TRIM37: variants seen among roughly 807,000 people sequenced by gnomAD.
TRIM37 encodes the protein E3 ubiquitin-protein ligase TRIM37.
TRIM37 carries 80 observed loss-of-function variants against 129.8 expected under a neutral mutation model. That is an observed-to-expected ratio of 0.62 (90% CI 0.51 to 0.74). The LOEUF (loss-of-function observed/expected upper bound fraction) is 0.74, where lower values mean the gene tolerates loss of function less well. TRIM37 is among the 30% of genes least tolerant of loss of function. The pLI is 0.00. For synonymous variants in TRIM37, 389 were observed against 387.1 expected, an observed-to-expected ratio of 1.00 and a Z score of -0.06; for missense variants, 1,054 against 1,176.5, an observed-to-expected ratio of 0.90 and a Z score of 1.52.
chr17:59,085,240 C>T (rs889425577), intron 4 of TRIM37, among the ~76,000 whole-genome samples: 3 of 152,044 alleles, frequency 2.0e-5, no homozygotes, highest in East Asian at 1.9e-4. Context: ...GCATGAGAAT[C>T]GCTTGAACCC....
downstream of TRIM37, among the ~76,000 whole-genome samples, chr17:58,994,354 T>TA (rs1020329177): frequency 1.1e-4 from 17 of 151,900 alleles, no homozygotes; most frequent in African/African-American, 2.9e-4. Context: ...TAAAAAATAA[T>TA]AAAAAAAATA....
intron 2 of TRIM37, 81 bp from the exon 3 acceptor site, chr17:59,091,421 A>G: frequency 3.3e-6 from 1 of 302,200 alleles, no homozygotes; most frequent in South Asian, 6.9e-5. Context: ...ATATTTATAT[A>G]TAATATATAT....
intron 22 of TRIM37, among the ~76,000 whole-genome samples, chr17:59,010,694 T>C (rs1259351104): frequency 6.6e-6 from 1 of 152,102 alleles, no homozygotes; most frequent in Non-Finnish European, 1.5e-5. Context: ...GGTGTCACTA[T>C]GTTTGCCAGG....
At position 59,056,914 on chromosome 17, in the gene TRIM37, T is replaced by C; in HGVS notation, c.1160A>G (p.Glu387Gly). 2 of 1,613,830 alleles carry C rather than the reference T, an allele frequency of 1.2e-6. No individual in the cohort carries two copies. The highest frequency in any genetic ancestry group is 1.7e-6 in the Non-Finnish European group (2 of 1,179,912). ...ATCATTTTGTGGATTCAAGTATCCT[T>C]CATTTGCGAGTAAGTCCAAACGGAA... ...RFFRLDLLAN[E>G]GYLNPQNDTV... Residue 387 changes from glutamate to glycine, a missense_variant, in exon 13 of 24, where the codon GAA becomes GGA. Physicochemically the swap from Glu to Gly is moderately conservative, Grantham distance 98 (BLOSUM62 -2). Around this residue, in one of 3 missense-constraint regions of TRIM37, gnomAD observed 752 missense variants for 870.8 expected, o/e 0.86. Transcript: ENST00000262294.
intron 19 of TRIM37, among the ~76,000 whole-genome samples, chr17:59,021,278 G>A (rs767689444): frequency 3.9e-5 from 6 of 152,150 alleles, no homozygotes; most frequent in East Asian, 1.9e-4. Context: ...GCCTGTAGTC[G>A]CAGCTAGCTG....
At chr17:59,055,421 C>T (rs567150411) in intron 13 of TRIM37, among the ~76,000 whole-genome samples, 17 of 150,754 alleles carry the variant, frequency 1.1e-4, no homozygotes, top group African/African-American at 3.7e-4. Flanking sequence ...ATGGGCCGGG[C>T]GCAGTGGCTC....
chr17:59,001,674 A>C lies in TRIM37; in HGVS notation c.2736T>G (p.Asn912Lys). The C allele has an allele frequency of 6.2e-7, 1 of 1,614,074 alleles. No individual in the cohort carries two copies. Among genetic ancestry groups the C allele is most frequent in the Non-Finnish European group, 8.5e-7 (1 of 1,179,972 alleles). Residue 912 changes from asparagine to lysine, a missense_variant, in exon 23 of 24, where the codon AAT becomes AAG. By Grantham distance (94) the Asn-to-Lys change is moderately conservative. Coordinates refer to ENST00000262294, the MANE Select transcript of TRIM37 (RefSeq NM_015294.6). Reference protein sequence around the residue: ...SDSDIECDTENEEQEEHTSVG... With the variant: ...SDSDIECDTEKEEQEEHTSVG... ...CACTGGTATGCTCTTCCTGCTCCTC[A>C]TTCTCAGTGTCACATTCAATGTCAC...
chr17:58,993,598 T>C (rs1156452206), downstream of TRIM37, among the ~76,000 whole-genome samples: 1 of 152,060 alleles, frequency 6.6e-6, no homozygotes, highest in Admixed American at 6.5e-5. Flanking sequence ...ACAGATCAGA[T>C]CAGATCAGAT....
intron 17 of TRIM37, among the ~76,000 whole-genome samples, chr17:59,032,510 C>T (rs1461190548): frequency 2.4e-4 from 30 of 124,034 alleles, no homozygotes; most frequent in African/African-American, 8.7e-4. Flanking sequence ...CCGGCCTGGG[C>T]GACAGAGCGA....
downstream of TRIM37, among the ~76,000 whole-genome samples, chr17:58,993,546 G>A (rs1050771179): frequency 1.3e-5 from 2 of 152,160 alleles, no homozygotes; most frequent in Non-Finnish European, 2.9e-5. Context: ...CTGTGATCCC[G>A]TTTACATGAC....
intron 24 of TRIM37, among the ~76,000 whole-genome samples, chr17:58,987,713 A>T (rs1416554142): frequency 2.0e-5 from 3 of 152,144 alleles, no homozygotes; most frequent in Non-Finnish European, 4.4e-5. Flanking sequence ...CAAAAAAGAA[A>T]ATAGCTCTTG....
downstream of TRIM37, among the ~76,000 whole-genome samples, chr17:58,994,899 G>A (rs1384339820): frequency 4.0e-5 from 6 of 151,606 alleles, no homozygotes; most frequent in Non-Finnish European, 5.9e-5. Context: ...ACAGGCATGC[G>A]CCATCACAGC....
At chr17:58,984,918 G>A (rs1170372929) in intron 24 of TRIM37, 1 of 152,596 alleles carries the variant, frequency 6.6e-6, no homozygotes, top group Non-Finnish European at 1.5e-5. Flanking sequence ...TCTTACTCTA[G>A]GTGCTCTTTG....
At chr17:58,997,406 A>T (rs1274538132), downstream of TRIM37, among the ~76,000 whole-genome samples, 1 of 152,236 alleles carries the variant, frequency 6.6e-6, no homozygotes, top group Non-Finnish European at 1.5e-5. Flanking sequence ...GCACTAGACC[A>T]GCAGTTCACC....
intron 19 of TRIM37, among the ~76,000 whole-genome samples, chr17:59,024,843 A>C (rs774683258): frequency 6.6e-6 from 1 of 152,266 alleles, no homozygotes; most frequent in Non-Finnish European, 1.5e-5. Context: ...ACTAGTCTTT[A>C]AATGTAAAGC....
chr17:58,977,554 G>A, the TRIM37 span, among the ~76,000 whole-genome samples: 1 of 152,028 alleles, frequency 6.6e-6, no homozygotes, highest in Non-Finnish European at 1.5e-5. Flanking sequence ...TTATAATGTC[G>A]AAGACTAATT....
intron 24 of TRIM37, among the ~76,000 whole-genome samples, chr17:58,992,211 C>T (rs1598755690): frequency 6.7e-6 from 1 of 148,670 alleles, no homozygotes; most frequent in East Asian, 2.0e-4. Flanking sequence ...GTGAAGGCCC[C>T]TTGACTTCAG....
intron 13 of TRIM37, among the ~76,000 whole-genome samples, chr17:59,055,282 G>T (rs1380364761): frequency 7.1e-6 from 1 of 140,754 alleles, no homozygotes; most frequent in Non-Finnish European, 1.5e-5. Context: ...GTTGCAGGGA[G>T]CCAAGATCGC....
In TRIM37 at chr17:58,982,945, C is replaced by T. The variant is rs73317214; in HGVS notation, c.2892-24G>A. On this transcript the variant is annotated intron_variant, in intron 24 of 24. Coordinates refer to the TRIM37 transcript ENST00000393066. ...ATCTAAGAAAACAAGAAAACAAAGG[C>T]AGCAGACTATTGGTACACATTATAG... is the stretch of plus-strand genomic sequence containing the variant. The T allele has an allele frequency of 1.8e-3, 2,886 of 1,568,672 alleles. 44 individuals are homozygous for T. The African/African-American group carries it at 0.032, about 17-fold the overall frequency.
Sources: allele counts gnomAD v4.1 joint callset (sites outside exome capture counted in the v4.1 genomes callset), GRCh38; gene constraint gnomAD v4.1.1; regional missense constraint gnomAD v4.1.1; transcripts MANE v1.5; gene names NCBI Gene and HGNC (gene_info 2026-07-23, HGNC 2026-07-21).